The following APLP2 variants were observed in gnomAD, a reference collection of about 807,000 sequenced individuals.
APLP2 encodes CDEI box-binding protein.
Under a neutral mutation model 89.9 loss-of-function variants are expected in APLP2, and 53 were observed. That is an observed-to-expected ratio of 0.59 (90% CI 0.47 to 0.74). APLP2 has a LOEUF of 0.74. APLP2 is among the 30% of genes least tolerant of loss of function. The probability of loss-of-function intolerance (pLI) is 0.00; values close to 1 mark genes in which losing one functional copy is unlikely to be tolerated. For synonymous variants in APLP2, 372 were observed against 348.6 expected (o/e 1.07, Z -0.75); for missense variants, 973 against 975.9 (o/e 1.00, Z 0.04).
chr11:130,096,027 A>G (rs1044533585), intron 1 of APLP2, among the ~76,000 whole-genome samples: 5 of 152,172 alleles, frequency 3.3e-5, no homozygotes, highest in African/African-American at 1.2e-4. Flanking sequence ...TGCTTGAGAG[A>G]GATAAAACCT....
intron 11 of APLP2, among the ~76,000 whole-genome samples, chr11:130,130,502 C>T (rs778468149): frequency 6.6e-6 from 1 of 152,112 alleles, no homozygotes; most frequent in Non-Finnish European, 1.5e-5. Flanking sequence ...AAATTGGTCT[C>T]TTGTTTTGTG....
At chr11:130,143,228 C>T (rs574792264) in intron 16 of APLP2, 119 bp from the exon 17 acceptor site, 522 of 868,516 alleles carry the variant, frequency 6.0e-4, no homozygotes, top group Non-Finnish European at 9.3e-4. Context: ...CCGGTGGGAA[C>T]GGGCTGCTGG....
chr11:130,083,515 G>A (rs1168974148), intron 1 of APLP2, among the ~76,000 whole-genome samples: 1 of 152,176 alleles, frequency 6.6e-6, no homozygotes, highest in East Asian at 1.9e-4. Context: ...CCTTCAGCCT[G>A]TGTCAGTGAC....
intron 9 of APLP2, 123 bp from the exon 10 acceptor site, chr11:130,128,925 C>A: frequency 9.3e-7 from 1 of 1,072,996 alleles, no homozygotes; most frequent in Non-Finnish European, 1.3e-6. Flanking sequence ...CCTTGCTCCA[C>A]TCTCCGAACC....
chr11:130,114,911 T>C (rs1476544751), intron 3 of APLP2, among the ~76,000 whole-genome samples: 1 of 152,242 alleles, frequency 6.6e-6, no homozygotes, highest in Non-Finnish European at 1.5e-5. Flanking sequence ...TAGCTCACTT[T>C]TCCATTGCAG....
At chr11:130,118,130 GA>G (rs1430276021) in intron 3 of APLP2, among the ~76,000 whole-genome samples, 3 of 151,856 alleles carry the variant, frequency 2.0e-5, no homozygotes, top group Admixed American at 6.6e-5. Flanking sequence ...GATTAGTAGT[GA>G]AATTGCTGCT....
Position 130,109,589 on chromosome 11 carries a change from A to G in APLP2, c.266A>G (p.Gln89Arg). The change falls in exon 2 of 17, where the codon CAG (glutamine) becomes CGG (arginine). Residue 89 changes from glutamine to arginine, a missense_variant. Transcript: ENST00000338167. ...SCFETKEEVL[Q>R]YCQEMYPELQ... ...TTTGAAACAAAAGAAGAAGTTCTTC[A>G]GTACTGTCAGGAGGTAAGAGTGTTG... The G allele has an allele frequency of 6.2e-7, 1 of 1,612,802 alleles. No homozygotes were observed. Among genetic ancestry groups the G allele is most frequent in the Non-Finnish European group, 8.5e-7 (1 of 1,179,458 alleles).
chr11:130,137,212 T>G (rs879180035), intron 13 of APLP2: 3 of 1,568,414 alleles, frequency 1.9e-6, no homozygotes, highest in Non-Finnish European at 2.6e-6. Context: ...TAATCTCCTT[T>G]TGTGCTATTT....
Position 130,123,032 on chromosome 11 carries a change from G to A in APLP2, c.922+519G>A, listed in dbSNP as rs1950001892. ...CATCTTGCCAATTAAAACACGAAAA[G>A]GTTGCAGTAGTTCCAGAGCCATTAA... On this transcript the variant is annotated intron_variant, in intron 6 of 16. Transcript: ENST00000338167. This position sits in a 1 kb window ranked among gnomAD's most constrained non-coding sequence, Gnocchi z 4.0. Among the ~76,000 whole-genome samples the A allele has an allele frequency of 6.6e-6, 1 of 151,836 alleles. No homozygotes were observed. The highest frequency in any genetic ancestry group is 6.6e-5 in the Admixed American group (1 of 15,248).
intron 1 of APLP2, among the ~76,000 whole-genome samples, chr11:130,104,993 T>C (rs1473513959): frequency 6.6e-6 from 1 of 152,240 alleles, no homozygotes; most frequent in Non-Finnish European, 1.5e-5. Flanking sequence ...AAATTGGTCC[T>C]GGAAAAAGAC....
At chr11:130,129,915 C>T in intron 10 of APLP2, 123 bp from the exon 11 acceptor site, 1 of 1,145,892 alleles carries the variant, frequency 8.7e-7, no homozygotes, top group Non-Finnish European at 1.2e-6. Context: ...CTTCCAGTTA[C>T]AGCTTTCATT....
At chr11:130,120,631 C>T in intron 3 of APLP2, 75 bp from the exon 4 acceptor site, 1 of 1,054,242 alleles carries the variant, frequency 9.5e-7, no homozygotes, top group Non-Finnish European at 1.5e-6. Flanking sequence ...AGACTATCAT[C>T]ATAAACTTCA....
intron 10 of APLP2, among the ~76,000 whole-genome samples, chr11:130,129,569 G>A (rs1950708626): frequency 6.6e-6 from 1 of 152,170 alleles, no homozygotes; most frequent in South Asian, 2.1e-4. Flanking sequence ...TGAAGAAAGG[G>A]GTAAAGTAAT....
chr11:130,108,531 G>A (rs1054367408), intron 1 of APLP2: 28 of 152,186 alleles, frequency 1.8e-4, no homozygotes, highest in African/African-American at 4.8e-4. Context: ...AGTTAGAATG[G>A]CAGTCATTAA....
chr11:130,102,109 T>TC (rs1947014930), intron 1 of APLP2: 2 of 339,002 alleles, frequency 5.9e-6, no homozygotes, highest in Non-Finnish European at 1.2e-5. Context: ...TTTTTTTTTT[T>TC]CACTTCGTTC....
At chr11:130,106,762 C>A (rs910259172) in intron 1 of APLP2, among the ~76,000 whole-genome samples, 1 of 151,914 alleles carries the variant, frequency 6.6e-6, no homozygotes. Context: ...AATCTCGGCT[C>A]ACTGCAACCT....
intron 1 of APLP2, among the ~76,000 whole-genome samples, chr11:130,104,992 C>G (rs538922007): frequency 1.3e-5 from 2 of 152,272 alleles, no homozygotes; most frequent in East Asian, 3.9e-4. Context: ...TAAATTGGTC[C>G]TGGAAAAAGA....
At chr11:130,137,106 A>G in intron 13 of APLP2, 4 of 698,572 alleles carry the variant, frequency 5.7e-6, no homozygotes, top group Non-Finnish European at 9.9e-6. Flanking sequence ...TGTTTATGGG[A>G]TATTTCAGGC....
intron 7 of APLP2, among the ~76,000 whole-genome samples, chr11:130,125,910 C>T (rs1406077142): frequency 6.6e-6 from 1 of 152,176 alleles, no homozygotes; most frequent in African/African-American, 2.4e-5. Flanking sequence ...CAGAGACTTG[C>T]TTGGGCCCCA....
Sources: allele counts gnomAD v4.1 joint callset (sites outside exome capture counted in the v4.1 genomes callset), GRCh38; gene constraint gnomAD v4.1.1; non-coding constraint Gnocchi (gnomAD v3.1); transcripts MANE v1.5; gene names NCBI Gene and HGNC (gene_info 2026-07-23, HGNC 2026-07-21).